Variants in KCNK9 observed in about 807,000 individuals in gnomAD.
KCNK9 encodes potassium two pore domain channel subfamily K member 9.
KCNK9 carries 1 observed loss-of-function variant against 10.8 expected under a neutral mutation model. That is an observed-to-expected ratio of 0.09 (90% CI 0.03 to 0.44). The LOEUF is 0.44. Among genes scored for constraint, KCNK9 ranks in the 20% least tolerant of loss-of-function variants. The pLI, the probability that KCNK9 is intolerant of heterozygous loss-of-function variation, is 0.97. For missense variants in KCNK9, 303 were observed against 515.0 expected (o/e 0.59, Z 3.98); for synonymous variants, 231 against 222.7 (o/e 1.04, Z -0.33).
downstream of KCNK9, among the ~76,000 whole-genome samples, chr8:139,609,079 C>T (rs1346920742): frequency 6.7e-6 from 1 of 150,276 alleles, no homozygotes. Context: ...ATGTCCCTTC[C>T]TCATGGCAAT....
intron 1 of KCNK9, among the ~76,000 whole-genome samples, chr8:139,631,192 G>A (rs1355504299): frequency 2.0e-5 from 3 of 152,262 alleles, no homozygotes; most frequent in Non-Finnish European, 4.4e-5. Context: ...GATGTCATGC[G>A]ATGAATGTTT....
downstream of KCNK9, among the ~76,000 whole-genome samples, chr8:139,610,287 G>A (rs563497801): frequency 6.6e-6 from 1 of 152,198 alleles, no homozygotes; most frequent in African/African-American, 2.4e-5. Context: ...ATCTCCTGGG[G>A]GGTGAGGGGA....
intron 1 of KCNK9, among the ~76,000 whole-genome samples, chr8:139,643,657 C>T (rs1815579167): frequency 6.6e-6 from 1 of 152,208 alleles, no homozygotes; most frequent in Non-Finnish European, 1.5e-5. Context: ...CATGGCTTCC[C>T]ATCCTATGGC....
chr8:139,703,047 C>A lies in KCNK9; in HGVS notation c.-55G>T. The stretch of plus-strand genomic sequence containing the variant: ...CATGTCCCGCAGGCTCACAGCCGCG[C>A]GCGTCCCACTGCAGCGCCCGGCGGC... On this transcript the variant is annotated 5_prime_UTR_variant, in exon 1 of 2. Transcript: ENST00000520439. This position sits in a 1 kb window ranked among gnomAD's most constrained non-coding sequence, Gnocchi z 6.4. 2 of 1,522,718 alleles carry A rather than the reference C, an allele frequency of 1.3e-6. No homozygotes were observed. The highest frequency in any genetic ancestry group is 1.8e-6 in the Non-Finnish European group (2 of 1,138,842). 94.3% of individuals were successfully genotyped at this position (1,522,718 alleles called of 1,614,324 possible).
At chr8:139,604,019 T>C (rs1052960474) in intron 2 of KCNK9, among the ~76,000 whole-genome samples, 7 of 152,278 alleles carry the variant, frequency 4.6e-5, no homozygotes, top group African/African-American at 1.7e-4. Context: ...GTCAGGGTGC[T>C]GGGGACCTTG....
At chr8:139,630,007 C>T (rs980310117) in intron 1 of KCNK9, among the ~76,000 whole-genome samples, 4 of 151,312 alleles carry the variant, frequency 2.6e-5, no homozygotes, top group Non-Finnish European at 5.9e-5. Flanking sequence ...AACACCAGAA[C>T]AGGGACACCT....
intron 1 of KCNK9, among the ~76,000 whole-genome samples, chr8:139,676,678 C>T (rs960397170): frequency 5.3e-5 from 8 of 152,322 alleles, no homozygotes; most frequent in African/African-American, 9.6e-5. Context: ...TGGCCGAGCA[C>T]GGTGGCTCAC....
At chr8:139,656,115 G>A (rs1353405125) in intron 1 of KCNK9, among the ~76,000 whole-genome samples, 1 of 152,186 alleles carries the variant, frequency 6.6e-6, no homozygotes, top group African/African-American at 2.4e-5. Context: ...AGCAAAGGAG[G>A]TATGTATGAG....
intron 1 of KCNK9, among the ~76,000 whole-genome samples, chr8:139,635,241 G>A (rs1001771463): frequency 1.1e-4 from 16 of 152,258 alleles, no homozygotes; most frequent in African/African-American, 3.6e-4. Flanking sequence ...AAACAGCAGA[G>A]TAACTGTAGG....
At chr8:139,688,241 C>T (rs1410955343) in intron 1 of KCNK9, among the ~76,000 whole-genome samples, 1 of 152,156 alleles carries the variant, frequency 6.6e-6, no homozygotes, top group Non-Finnish European at 1.5e-5. Flanking sequence ...AGGGGTTGAG[C>T]TCAGGTCCCT....
chr8:139,694,429 T>C (rs1817004648), intron 1 of KCNK9, among the ~76,000 whole-genome samples: 1 of 152,194 alleles, frequency 6.6e-6, no homozygotes, highest in African/African-American at 2.4e-5. Context: ...TTAAGGGGTG[T>C]GCCTGGGATT....
chr8:139,629,679 G>A (rs544882987), intron 1 of KCNK9, among the ~76,000 whole-genome samples: 7 of 152,118 alleles, frequency 4.6e-5, no homozygotes, highest in Non-Finnish European at 8.8e-5. Context: ...ACAATGAAAG[G>A]GGGGGAAGAT....
chr8:139,647,897 A>C (rs1395017450), intron 1 of KCNK9, among the ~76,000 whole-genome samples: 3 of 152,204 alleles, frequency 2.0e-5, no homozygotes, highest in African/African-American at 7.2e-5. Flanking sequence ...CAAAAGGTCA[A>C]ACCTAGAATT....
At chr8:139,648,195 T>C (rs1815749189) in intron 1 of KCNK9, among the ~76,000 whole-genome samples, 1 of 152,024 alleles carries the variant, frequency 6.6e-6, no homozygotes, top group East Asian at 1.9e-4. Context: ...ATTCCATTGA[T>C]AGGAAATGTC....
At chr8:139,663,683 TAGAG>T (rs1427116137) in intron 1 of KCNK9, among the ~76,000 whole-genome samples, 1 of 74,414 alleles carries the variant, frequency 1.3e-5, no homozygotes, top group Non-Finnish European at 2.6e-5. Context: ...GTGTGTGTGT[TAGAG>T]AGAGAGATAG....
At chr8:139,622,507 G>A (rs950921372) in intron 1 of KCNK9, among the ~76,000 whole-genome samples, 2 of 152,136 alleles carry the variant, frequency 1.3e-5, no homozygotes, top group South Asian at 2.1e-4. Flanking sequence ...GCAACTAGCC[G>A]CATCTGTCAG....
At chr8:139,675,650 T>C (rs1816532247) in intron 1 of KCNK9, among the ~76,000 whole-genome samples, 1 of 152,174 alleles carries the variant, frequency 6.6e-6, no homozygotes, top group African/African-American at 2.4e-5. Flanking sequence ...CTCCCCAGCC[T>C]GTGACATCTT....
intron 1 of KCNK9, among the ~76,000 whole-genome samples, chr8:139,633,754 A>G (rs1300446139): frequency 1.3e-5 from 2 of 152,268 alleles, no homozygotes; most frequent in African/African-American, 4.8e-5. Flanking sequence ...GTGCAGCCTC[A>G]GTACCTTGTG....
intron 1 of KCNK9, among the ~76,000 whole-genome samples, chr8:139,620,228 A>G (rs939056905): frequency 1.4e-5 from 2 of 142,416 alleles, no homozygotes; most frequent in Non-Finnish European, 3.0e-5. Context: ...GATCATGGAC[A>G]GTGTTTTTTT....
Sources: allele counts gnomAD v4.1 joint callset (sites outside exome capture counted in the v4.1 genomes callset), GRCh38; gene constraint gnomAD v4.1.1; non-coding constraint Gnocchi (gnomAD v3.1); transcripts MANE v1.5; gene names NCBI Gene and HGNC (gene_info 2026-07-23, HGNC 2026-07-21).